Variants in NAPB observed in about 807,000 individuals in gnomAD.
The protein encoded by NAPB is beta-soluble NSF attachment protein.
Under a neutral mutation model 44.7 loss-of-function variants are expected in NAPB, and 26 were observed. The ratio of observed to expected loss-of-function variants is 0.58; its 90% CI spans 0.43 to 0.81. The LOEUF is 0.81. Among genes scored for constraint, NAPB ranks in the 30% least tolerant of loss-of-function variants. NAPB has a pLI of 0.00. For missense variants in NAPB, 315 were observed against 356.4 expected (o/e 0.88, Z 0.94); for synonymous variants, 120 against 116.8 (o/e 1.03, Z -0.18).
At chr20:23,386,382 C>T (rs539482462) in intron 7 of NAPB, among the ~76,000 whole-genome samples, 2 of 152,172 alleles carry the variant, frequency 1.3e-5, no homozygotes, top group East Asian at 1.9e-4. Context: ...GAGGAATTCA[C>T]ACCAATCCTT....
chr20:23,420,939 T>G (rs1462955486), intron 1 of NAPB, among the ~76,000 whole-genome samples: 1 of 142,548 alleles, frequency 7.0e-6, no homozygotes, highest in Non-Finnish European at 1.5e-5. Context: ...GGGGGCGTGT[T>G]AGGGGATCCG....
intron 1 of NAPB, 114 bp from the exon 2 acceptor site, chr20:23,403,186 A>C: frequency 2.7e-6 from 2 of 735,332 alleles, no homozygotes; most frequent in South Asian, 3.6e-5. Context: ...AGCATTACAG[A>C]ATCTTAACCT....
At chr20:23,404,516 T>A (rs1219711341) in intron 1 of NAPB, among the ~76,000 whole-genome samples, 1 of 152,168 alleles carries the variant, frequency 6.6e-6, no homozygotes, top group African/African-American at 2.4e-5. Context: ...CAATAACTAC[T>A]AACAGTATGG....
chr20:23,396,238 G>A (rs6137931), intron 3 of NAPB, among the ~76,000 whole-genome samples: 1 of 152,132 alleles, frequency 6.6e-6, no homozygotes, highest in Non-Finnish European at 1.5e-5. Context: ...TTTAATGCCT[G>A]CACCATATTC....
intron 1 of NAPB, among the ~76,000 whole-genome samples, chr20:23,414,408 G>C (rs8114064): frequency 6.6e-6 from 1 of 152,110 alleles, no homozygotes; most frequent in Non-Finnish European, 1.5e-5. Flanking sequence ...CCAGGAGTGC[G>C]AGGACAGTAC....
intron 1 of NAPB, among the ~76,000 whole-genome samples, chr20:23,420,754 C>G (rs546202744): frequency 1.4e-4 from 22 of 152,172 alleles, no homozygotes; most frequent in African/African-American, 5.3e-4. Flanking sequence ...CGCACCAACC[C>G]GGGCCAGGGC....
Position 23,397,057 on chromosome 20 carries a change from G to A in NAPB, c.295+15C>T. The A allele has an allele frequency of 6.2e-7, 1 of 1,611,158 alleles. No homozygotes were observed. Among genetic ancestry groups the A allele is most frequent in the Non-Finnish European group, 8.5e-7 (1 of 1,177,754 alleles). The stretch of plus-strand genomic sequence containing the variant: ...TACACACAGAGATAGCATGCTACAT[G>A]CCTGGCTGTCTTACCTTGGGGATCT... On this transcript the variant is annotated intron_variant, in intron 3 of 10. Transcript: ENST00000377026.
At chr20:23,396,945 T>C in intron 3 of NAPB, 127 bp downstream of exon 3, 2 of 1,012,824 alleles carry the variant, frequency 2.0e-6, no homozygotes, top group Non-Finnish European at 2.7e-6. Flanking sequence ...TTCTCTATTA[T>C]TCCAAAATAC....
intron 1 of NAPB, among the ~76,000 whole-genome samples, chr20:23,416,340 A>G (rs950848886): frequency 1.3e-5 from 2 of 152,246 alleles, no homozygotes; most frequent in Non-Finnish European, 2.9e-5. Context: ...CCAAGCTGTA[A>G]CAACCTAAAA....
At chr20:23,387,540 G>T (rs1983617575) in intron 7 of NAPB, among the ~76,000 whole-genome samples, 1 of 152,124 alleles carries the variant, frequency 6.6e-6, no homozygotes, top group South Asian at 2.1e-4. Context: ...TGGCATGGTT[G>T]CAGGACAAAA....
At chr20:23,403,401 G>A (rs910518144) in intron 1 of NAPB, among the ~76,000 whole-genome samples, 4 of 152,082 alleles carry the variant, frequency 2.6e-5, no homozygotes, top group Middle Eastern at 3.2e-3. Flanking sequence ...TCAGGTGTTC[G>A]AGACCAGCCT....
intron 10 of NAPB, chr20:23,379,211 C>T: frequency 2.3e-6 from 1 of 426,032 alleles, no homozygotes; most frequent in East Asian, 3.6e-5. Flanking sequence ...GGAATATTTG[C>T]TCCTGAACTA....
At chr20:23,407,259 A>AT (rs35505774) in intron 1 of NAPB, among the ~76,000 whole-genome samples, 4 of 152,350 alleles carry the variant, frequency 2.6e-5, no homozygotes, top group African/African-American at 4.8e-5. Flanking sequence ...GTGAAAGTTA[A>AT]TTTTTTGTAA....
At chr20:23,401,194 G>A (rs940431057) in intron 2 of NAPB, among the ~76,000 whole-genome samples, 1 of 151,540 alleles carries the variant, frequency 6.6e-6, no homozygotes, top group African/African-American at 2.4e-5. Flanking sequence ...GAAGGGGATA[G>A]TCTTTGAGGG....
At chr20:23,404,190 G>A (rs563361632) in intron 1 of NAPB, among the ~76,000 whole-genome samples, 2 of 152,236 alleles carry the variant, frequency 1.3e-5, no homozygotes, top group East Asian at 1.9e-4. Context: ...CATGAAAGAC[G>A]TTTATCTATC....
At chr20:23,404,887 C>T (rs775258712) in intron 1 of NAPB, among the ~76,000 whole-genome samples, 1 of 152,110 alleles carries the variant, frequency 6.6e-6, no homozygotes, top group Non-Finnish European at 1.5e-5. Flanking sequence ...CGTGGAGAAA[C>T]CTTATATATG....
intron 3 of NAPB, among the ~76,000 whole-genome samples, chr20:23,396,375 T>A (rs1019250766): frequency 6.6e-6 from 1 of 152,236 alleles, no homozygotes; most frequent in Non-Finnish European, 1.5e-5. Context: ...CCTATTTCTT[T>A]ATGACATATT....
At chr20:23,420,863 G>A (rs1303589346) in intron 1 of NAPB, among the ~76,000 whole-genome samples, 1 of 151,584 alleles carries the variant, frequency 6.6e-6, no homozygotes, top group Non-Finnish European at 1.5e-5. Flanking sequence ...GAGCTCTGGG[G>A]GTCCTAGGGG....
intron 1 of NAPB, among the ~76,000 whole-genome samples, chr20:23,416,324 T>C (rs993227848): frequency 2.6e-5 from 4 of 152,332 alleles, no homozygotes; most frequent in Admixed American, 1.3e-4. Context: ...AGTTTATCAT[T>C]TGATACCAAG....
Sources: allele counts gnomAD v4.1 joint callset (sites outside exome capture counted in the v4.1 genomes callset), GRCh38; gene constraint gnomAD v4.1.1; transcripts MANE v1.5; gene names NCBI Gene and HGNC (gene_info 2026-07-23, HGNC 2026-07-21).